Variants in CUX1 observed in about 807,000 individuals in gnomAD.
CUX1 encodes protein CASP.
Under a neutral mutation model 158.8 loss-of-function variants are expected in CUX1, and 31 were observed. The observed-to-expected ratio is 0.20, with a 90% CI of 0.15 to 0.26. CUX1 has a LOEUF of 0.26. CUX1 is among the 10% of genes least tolerant of loss of function. The probability of loss-of-function intolerance (pLI) is 1.00; values close to 1 mark genes in which losing one functional copy is unlikely to be tolerated. For missense variants in CUX1, 1,589 were observed against 2,014.6 expected (o/e 0.79, Z 4.04); for synonymous variants, 879 against 862.1 (o/e 1.02, Z -0.34).
chr7:102,188,992 G>A (rs564472941), intron 11 of CUX1, among the ~76,000 whole-genome samples: 8 of 152,024 alleles, frequency 5.3e-5, no homozygotes, highest in East Asian at 3.9e-4. Flanking sequence ...GGCCCTCCCC[G>A]CAGGACTCAG....
At chr7:101,926,967 G>C (rs1385991158) in intron 2 of CUX1, among the ~76,000 whole-genome samples, 1 of 152,148 alleles carries the variant, frequency 6.6e-6, no homozygotes, top group African/African-American at 2.4e-5. Context: ...AGATCTCACA[G>C]AGATCTGGCA....
chr7:102,257,035 C>T lies in CUX1; in HGVS notation c.*7993C>T. ...GGAGGAAGGTTGGGTGTGGAGATTG[C>T]TTGCTGTGGCCCCAAGCTCAGCCAG... On this transcript the variant is annotated 3_prime_UTR_variant, in exon 24 of 24. Coordinates refer to ENST00000292535, the MANE Select transcript of CUX1 (RefSeq NM_181552.4). The T allele has an allele frequency of 1.0e-6, 1 of 985,390 alleles. No homozygotes were observed. Among genetic ancestry groups the T allele is most frequent in the South Asian group, 4.7e-5 (1 of 21,270 alleles). 61.0% of individuals were successfully genotyped at this position (985,390 alleles called of 1,614,324 possible).
intron 3 of CUX1, among the ~76,000 whole-genome samples, chr7:102,035,272 A>AT (rs1821295030): frequency 6.6e-6 from 1 of 152,198 alleles, no homozygotes; most frequent in South Asian, 2.1e-4. Flanking sequence ...CCATACAACC[A>AT]TGCCGTTTGT....
At chr7:102,040,028 G>A (rs907072343) in intron 3 of CUX1, among the ~76,000 whole-genome samples, 2 of 152,134 alleles carry the variant, frequency 1.3e-5, no homozygotes, top group African/African-American at 4.8e-5. Flanking sequence ...TTTACTCTCT[G>A]GTCTTCATTC....
At chr7:101,836,681 T>A (rs1327775767) in intron 1 of CUX1, among the ~76,000 whole-genome samples, 11 of 85,732 alleles carry the variant, frequency 1.3e-4, no homozygotes, top group Admixed American at 1.2e-3. Context: ...CGAGACTCCT[T>A]CTCAAAAAAA....
intron 2 of CUX1, among the ~76,000 whole-genome samples, chr7:101,944,102 C>T (rs1808069769): frequency 6.6e-6 from 1 of 152,058 alleles, no homozygotes; most frequent in South Asian, 2.1e-4. Context: ...GTGAGTGACT[C>T]AGGCCTTGAG....
intron 8 of CUX1, among the ~76,000 whole-genome samples, chr7:102,119,168 C>T (rs1831763968): frequency 6.6e-6 from 1 of 152,194 alleles, no homozygotes; most frequent in South Asian, 2.1e-4. Flanking sequence ...CAGAGCAGGG[C>T]GTGGTATGCG....
Position 102,180,633 on chromosome 7 carries a change from C to CTT in CUX1, c.1017+1990_1017+1991dup, listed in dbSNP as rs57798951. 3.9e-4 allele frequency among the ~76,000 whole-genome samples: 55 copies of CTT among 142,138 alleles called. 1 individual carries two copies. The East Asian group carries it at 0.011, about 29-fold the overall frequency. 93.2% of individuals were successfully genotyped at this position (142,138 alleles called of 152,430 possible). On this transcript the variant is annotated intron_variant, in intron 11 of 23. Coordinates refer to ENST00000292535, the MANE Select transcript of CUX1 (RefSeq NM_181552.4). ...TGAGCCGCTGCACCTGGCCCAATGT[C>CTT]TTTTTTTTTTTTTTTAATTGAAATT...
intron 2 of CUX1, among the ~76,000 whole-genome samples, chr7:101,952,291 G>T (rs564505999): frequency 2.6e-5 from 4 of 152,286 alleles, no homozygotes; most frequent in Admixed American, 6.5e-5. Flanking sequence ...TAGACTTGAG[G>T]ATTGCTTGAG....
intron 1 of CUX1, among the ~76,000 whole-genome samples, chr7:101,905,360 G>C (rs767324383): frequency 3.9e-5 from 6 of 152,222 alleles, no homozygotes; most frequent in Non-Finnish European, 8.8e-5. Flanking sequence ...GTGGGGCCAA[G>C]GGAGCTGGAG....
chr7:102,130,394 G>A (rs1407008552), intron 8 of CUX1, among the ~76,000 whole-genome samples: 1 of 152,098 alleles, frequency 6.6e-6, no homozygotes, highest in Non-Finnish European at 1.5e-5. Context: ...AAATTATGTA[G>A]TGTTGGCCGG....
chr7:102,247,885 C>G (rs1399809214), intron 23 of CUX1, among the ~76,000 whole-genome samples: 1 of 152,158 alleles, frequency 6.6e-6, no homozygotes, highest in Non-Finnish European at 1.5e-5. Context: ...AATCCCAGCA[C>G]TTTTGGAGGC....
chr7:101,848,051 C>CAAAAAAA (rs57428019), intron 1 of CUX1, among the ~76,000 whole-genome samples: 64 of 65,340 alleles, frequency 9.8e-4, no homozygotes, highest in African/African-American at 2.4e-3. Flanking sequence ...GAGCAAGACT[C>CAAAAAAA]AAAAAAAAAA....
intron 1 of CUX1, among the ~76,000 whole-genome samples, chr7:101,874,753 T>G (rs936348413): frequency 6.6e-6 from 1 of 152,148 alleles, no homozygotes; most frequent in Non-Finnish European, 1.5e-5. Flanking sequence ...TAACAAAGAT[T>G]CTAAGGATTT....
intron 20 of CUX1, among the ~76,000 whole-genome samples, chr7:102,224,836 A>T (rs986192503): frequency 3.3e-5 from 5 of 152,222 alleles, no homozygotes; most frequent in Non-Finnish European, 7.3e-5. Context: ...CACTCGGTTT[A>T]TTAGCCAGAC....
chr7:102,122,341 A>AAT (rs1448902712), intron 8 of CUX1, among the ~76,000 whole-genome samples: 2 of 152,000 alleles, frequency 1.3e-5, no homozygotes, highest in Admixed American at 1.3e-4. Flanking sequence ...CTGTCCTTTA[A>AAT]ACCTTAGAGA....
intron 16 of CUX1, among the ~76,000 whole-genome samples, chr7:102,274,595 G>A (rs1434663438): frequency 1.3e-5 from 2 of 152,156 alleles, no homozygotes; most frequent in Non-Finnish European, 2.9e-5. Flanking sequence ...CAGCCTGGGC[G>A]ACAGACCGAG....
intron 14 of CUX1, among the ~76,000 whole-genome samples, chr7:102,269,572 A>ATTTTTTTTTT (rs71123030): frequency 0.035 from 3,706 of 106,968 alleles, no homozygotes; most frequent in African/African-American, 0.047. Context: ...TGCCCGGCTA[A>ATTTTTTTTTT]TTTTTTTTTT....
intron 1 of CUX1, among the ~76,000 whole-genome samples, chr7:101,821,651 CTTTTCTTTTTTTCTTTTTTCTTT>C (rs1792560477): frequency 1.0e-4 from 10 of 95,294 alleles, no homozygotes; most frequent in African/African-American, 3.1e-4. Context: ...ATTTTCTTTT[CTTTTCTTTTTTTCTTTTTTCTTT>C]TTTTTTTTTT....
Sources: allele counts gnomAD v4.1 joint callset (sites outside exome capture counted in the v4.1 genomes callset), GRCh38; gene constraint gnomAD v4.1.1; transcripts MANE v1.5; gene names NCBI Gene and HGNC (gene_info 2026-07-23, HGNC 2026-07-21).